Variants in NOC2L observed in about 807,000 individuals in gnomAD.
NOC2L encodes the protein NOC2 like nucleolar associated transcriptional repressor, also known as nucleolar complex protein 2 homolog.
A neutral mutation model predicts 94.2 loss-of-function variants in NOC2L; 101 were observed. The observed-to-expected ratio is 1.07, with a 90% CI of 0.91 to 1.26. NOC2L has a LOEUF of 1.26. Among genes scored for constraint, NOC2L ranks in the 50% most tolerant of loss-of-function variants. The pLI, the probability that NOC2L is intolerant of heterozygous loss-of-function variation, is 0.00. For synonymous variants in NOC2L, 531 were observed against 413.4 expected (o/e 1.28, Z -3.45); for missense variants, 1,076 against 980.1 (o/e 1.10, Z -1.31).
chr1:945,193 C>G (rs1409207429), intron 17 of NOC2L, 47 bp from the exon 18 acceptor site: 5 of 1,549,230 alleles, frequency 3.2e-6, no homozygotes, highest in Non-Finnish European at 4.4e-6. Flanking sequence ...CCACAGGGTC[C>G]ACCAGCAAAG....
chr1:944,309 A>G lies in NOC2L; in HGVS notation c.*385T>C. ...CTTCAAAGGAAAGGAACAAATTTTC[A>G]AAGACTTGGGGGAGTGAAGGCAGAG... On this transcript the variant is annotated 3_prime_UTR_variant, in exon 19 of 19. Transcript: ENST00000327044. 4.3e-6 allele frequency: 6 copies of G among 1,393,100 alleles called. No homozygotes were observed. The highest frequency in any genetic ancestry group is 5.6e-6 in the Non-Finnish European group (6 of 1,079,786). The allele number at this position is 1,393,100 out of a possible 1,614,324, so 86.3% of individuals were successfully genotyped here.
At chr1:956,244 A>G (rs777117592) in intron 4 of NOC2L, 29 bp from the exon 5 acceptor site, 16 of 1,609,296 alleles carry the variant, frequency 9.9e-6, no homozygotes, top group Admixed American at 1.7e-5. Flanking sequence ...CAGGGGCGTC[A>G]GGGGAGCTGA....
chr1:945,804 T>A, intron 16 of NOC2L, 151 bp from the exon 17 acceptor site: 1 of 995,916 alleles, frequency 1.0e-6, no homozygotes, highest in Non-Finnish European at 1.5e-6. Flanking sequence ...TCCTCCAAGT[T>A]GTCCATCCCA....
At position 945,172 on chromosome 1, in the gene NOC2L, A is replaced by G. The variant is rs988808275; in HGVS notation, c.2054-26T>C. 8.9e-6 allele frequency: 14 copies of G among 1,571,450 alleles called. No homozygotes were observed. In the African/African-American group the frequency reaches 1.6e-4, roughly 18 times the overall value. ...CTGAGGAACAAGAAGCAGAGTCCAT[A>G]TGACTCCCACCCACAGGGTCCACCA... is the stretch of plus-strand genomic sequence containing the variant. On this transcript the variant is annotated intron_variant, in intron 17 of 18. Transcript: ENST00000327044.
intron 17 of NOC2L, 145 bp from the exon 18 acceptor site, chr1:945,291 C>G (rs1424944990): frequency 4.4e-6 from 5 of 1,128,562 alleles, no homozygotes; most frequent in Non-Finnish European, 6.2e-6. Context: ...TGGGGAGGAA[C>G]TGGGAGGTCA....
In NOC2L at chr1:946,458, A is replaced by G. The variant is rs750557589; in HGVS notation, c.1747T>C (p.Tyr583His). The G allele has an allele frequency of 1.2e-6, 2 of 1,613,298 alleles. No individual in the cohort carries two copies. The highest frequency in any genetic ancestry group is 2.2e-5 in the East Asian group (1 of 44,886). ...LLGKVQENSA[Y>H]ICSRRQRVSF... The stretch of plus-strand genomic sequence containing the variant: ...ACCCTCTGGCGGCGGCTGCAGATGT[A>G]TGCCGAGTTCTCCTGAACCTTCCCA... Residue 583 changes from tyrosine to histidine, a missense_variant, in exon 15 of 19, where the codon TAC becomes CAC. Around this residue, in one of 3 missense-constraint regions of NOC2L, gnomAD observed 615 missense variants for 577.4 expected, o/e 1.07. Transcript: ENST00000327044.
intron 2 of NOC2L, chr1:958,478 G>C: frequency 2.8e-6 from 1 of 351,526 alleles, no homozygotes; most frequent in South Asian, 2.1e-5. Context: ...TCGAATTCCT[G>C]ACCTCAGGTA....
At chr1:949,387 G>A (rs67274836) in intron 12 of NOC2L, among the ~76,000 whole-genome samples, 3,629 of 152,336 alleles carry the variant, frequency 0.024, 62 homozygotes, top group Non-Finnish European at 0.04. Flanking sequence ...AAAACGCCCT[G>A]GTACTGATGA....
rs113650656 is a variant in NOC2L at position 945,563 on chromosome 1, G to A, written c.2008C>T (p.Leu670=). ...DRKQFKDLFD[L]NSSEEDDTEG... ...GTGTCGTCCTCTTCAGAGCTGTTCA[G>A]GTCAAAGAGGTCTTTAAATTGCTTC... Residue 670 remains leucine (L), a synonymous_variant, in exon 17 of 19, where the codon CTG becomes TTG. Coordinates refer to ENST00000327044, the MANE Select transcript of NOC2L (RefSeq NM_015658.4). The A allele has an allele frequency of 1.6e-4, 256 of 1,614,072 alleles. No homozygotes were observed. The African/African-American group carries it at 3.2e-3, about 20-fold the overall frequency.
At position 954,892 on chromosome 1, in the gene NOC2L, G is replaced by A. The variant is rs74045022; in HGVS notation, c.699-810C>T. ...AAACAAAACATTTACCAGAGCCCAC[G>A]CAGTAGGCGCTCACTAAAATCTGCT... On this transcript the variant is annotated intron_variant, in intron 6 of 18. Coordinates refer to ENST00000327044, the MANE Select transcript of NOC2L (RefSeq NM_015658.4). Among the ~76,000 whole-genome samples, 12 of 152,098 alleles carry A rather than the reference G, an allele frequency of 7.9e-5. No homozygotes were observed. In the East Asian group the frequency reaches 1.9e-3, roughly 24 times the overall value.
intron 17 of NOC2L, 97 bp from the exon 18 acceptor site, chr1:945,243 C>T (rs1291730583): frequency 7.0e-7 from 1 of 1,423,338 alleles, no homozygotes; most frequent in Non-Finnish European, 9.5e-7. Context: ...TCCCAACACC[C>T]TTCCCTCCGC....
At chr1:952,206 G>A (rs1224494106) in intron 10 of NOC2L, 67 bp from the exon 11 acceptor site, 15 of 1,575,916 alleles carry the variant, frequency 9.5e-6, no homozygotes, top group Non-Finnish European at 1.3e-5. Context: ...CGTTCCTCCT[G>A]GGCCGGCACA....
intron 12 of NOC2L, 143 bp downstream of exon 12, chr1:950,984 G>T: frequency 1.5e-6 from 1 of 687,148 alleles, no homozygotes; most frequent in Non-Finnish European, 2.6e-6. Flanking sequence ...ACACGGAGGA[G>T]CACTGTCCTC....
Position 953,378 on chromosome 1 carries a change from G to C in NOC2L, c.889-90C>G. The C allele has an allele frequency of 4.0e-6, 3 of 749,362 alleles. No individual in the cohort carries two copies. In the South Asian group the frequency reaches 4.7e-5, roughly 12 times the overall value. 46.4% of individuals were successfully genotyped at this position (749,362 alleles called of 1,614,324 possible). On this transcript the variant is annotated intron_variant, in intron 8 of 18. Coordinates refer to ENST00000327044, the MANE Select transcript of NOC2L (RefSeq NM_015658.4). ...CACAGCCCTCCCCAGCCAGGCAAAG[G>C]CTCCCATGGCCACCAGCTCTTCCCA... is the stretch of plus-strand genomic sequence containing the variant.
intron 6 of NOC2L, 140 bp from the exon 7 acceptor site, chr1:954,222 A>C: frequency 2.7e-6 from 2 of 728,064 alleles, no homozygotes; most frequent in South Asian, 1.9e-5. Flanking sequence ...AAAAAAGCTC[A>C]GGGCCCCTTA....
intron 6 of NOC2L, chr1:954,328 G>A: frequency 2.0e-6 from 1 of 509,054 alleles, no homozygotes. Flanking sequence ...CCCAGGGTTG[G>A]CCACCGCCCT....
intron 17 of NOC2L, 106 bp from the exon 18 acceptor site, chr1:945,252 G>T: frequency 7.2e-7 from 1 of 1,386,172 alleles, no homozygotes; most frequent in Non-Finnish European, 9.8e-7. Flanking sequence ...CCTTCCCTCC[G>T]CTGACTTCCA....
chr1:946,739 A>G (rs756288526), intron 14 of NOC2L, 194 bp from the exon 15 acceptor site: 59 of 612,816 alleles, frequency 9.6e-5, no homozygotes, highest in Non-Finnish European at 1.4e-4. Context: ...CTCTGGGCCA[A>G]CCCTGCCCAC....
chr1:952,372 C>A (rs1273348802), intron 10 of NOC2L, 40 bp downstream of exon 10: 2 of 1,605,186 alleles, frequency 1.2e-6, no homozygotes, highest in South Asian at 1.1e-5. Context: ...GCTGCCCCAC[C>A]CCATGCCCAG....
Sources: gnomAD v4.1 joint callset for allele counts (sites outside exome capture counted in the v4.1 genomes callset) on GRCh38, gnomAD v4.1.1 for gene constraint, gnomAD v4.1.1 regional missense constraint, MANE v1.5 for transcripts, NCBI Gene and HGNC (gene_info 2026-07-23, HGNC 2026-07-21) for gene names.